GNL3: variants seen among roughly 807,000 people sequenced by gnomAD.
The protein encoded by GNL3 is guanine nucleotide-binding protein-like 3.
GNL3 carries 77 observed loss-of-function variants against 70.6 expected under a neutral mutation model. That is an observed-to-expected ratio of 1.09 (90% CI 0.91 to 1.32). The LOEUF (loss-of-function observed/expected upper bound fraction) is 1.32, where lower values mean the gene tolerates loss of function less well. GNL3 is among the 40% of genes most tolerant of loss of function. The pLI is 0.00. For synonymous variants in GNL3, 252 were observed against 216.1 expected (o/e 1.17, Z -1.46); for missense variants, 634 against 644.0 (o/e 0.98, Z 0.17).
At position 52,688,164 on chromosome 3, in the gene GNL3, A is replaced by C; in HGVS notation, c.380A>C (p.Lys127Thr). The change falls in exon 5 of 15, where the codon AAG (lysine) becomes ACG (threonine). Residue 127 changes from lysine to threonine, a missense_variant. Transcript: ENST00000418458. Reference protein sequence around the residue: ...NKAKSGKQNSKKLYCQELKKV... With the variant: ...NKAKSGKQNSTKLYCQELKKV... ...GCCAAGTCGGGCAAACAGAATTCAA[A>C]GAAGCTGTACTGCCAAGAACTTAAA... 3 of 1,609,374 alleles carry C rather than the reference A, an allele frequency of 1.9e-6. No individual in the cohort carries two copies. Among genetic ancestry groups the C allele is most frequent in the Non-Finnish European group, 1.7e-6 (2 of 1,175,594 alleles).
chr3:52,686,960 A>C, intron 2 of GNL3, 133 bp downstream of exon 2: 1 of 677,080 alleles, frequency 1.5e-6, no homozygotes, highest in Non-Finnish European at 2.6e-6. Flanking sequence ...CCATGGGCAC[A>C]AGCTCTTAGG....
At position 52,689,409 on chromosome 3, in the gene GNL3, A is replaced by G. The variant is rs1476367171; in HGVS notation, c.541+203A>G. 16 of 674,058 alleles carry G rather than the reference A, an allele frequency of 2.4e-5. No individual in the cohort carries two copies. In the East Asian group the frequency reaches 4.2e-4, roughly 18 times the overall value. The allele number at this position is 674,058 out of a possible 1,614,324, so 41.8% of individuals were successfully genotyped here. ...AACTGGTTTCTACTATTCTTTTGCC[A>G]TTCAGTATTTACCATCTTTTAAATA... On this transcript the variant is annotated intron_variant, in intron 6 of 14. Coordinates refer to ENST00000418458, the MANE Select transcript of GNL3 (RefSeq NM_014366.5).
intron 8 of GNL3, 101 bp downstream of exon 8, chr3:52,691,172 TC>T: frequency 9.6e-7 from 1 of 1,041,922 alleles, no homozygotes; most frequent in Non-Finnish European, 1.5e-6. Flanking sequence ...GGAGTTGTTG[TC>T]AAGTAAAAGG....
At chr3:52,691,190 CAA>C in intron 8 of GNL3, 119 bp downstream of exon 8, 1 of 828,390 alleles carries the variant, frequency 1.2e-6, no homozygotes. Context: ...AAGGCTCACT[CAA>C]ATACTAGCTT....
rs778018698 is a variant in GNL3, at chr3:52,690,595, T to C, written c.545T>C (p.Leu182Pro). ...TCTTATTTCTAATTGCTATCAGATC[T>C]GGTACCAAAGGAGAATTTGGAGAGC... ...KLVLILNKSD[L>P]VPKENLESWL... Residue 182 changes from leucine to proline, a missense_variant, in exon 7 of 15, where the codon CTG becomes CCG. By Grantham distance (98) the Leu-to-Pro change is moderately conservative. Coordinates refer to ENST00000418458, the MANE Select transcript of GNL3 (RefSeq NM_014366.5). The C allele has an allele frequency of 2.5e-6, 4 of 1,573,646 alleles. No individual in the cohort carries two copies. The highest frequency in any genetic ancestry group is 3.5e-6 in the Non-Finnish European group (4 of 1,143,118).
At chr3:52,690,422 C>T (rs1413474737) in intron 6 of GNL3, among the ~76,000 whole-genome samples, 170 bp from the exon 7 acceptor site, 1 of 152,112 alleles carries the variant, frequency 6.6e-6, no homozygotes, top group Non-Finnish European at 1.5e-5. Flanking sequence ...ACCACCACGC[C>T]CAGCTAATTT....
At chr3:52,691,693 A>C (rs755156835) in intron 9 of GNL3, 64 bp downstream of exon 9, 1 of 897,118 alleles carries the variant, frequency 1.1e-6, no homozygotes, top group Non-Finnish European at 1.8e-6. Context: ...GGTTATCTCA[A>C]GGAAGGTGAT....
chr3:52,689,216 G>C lies in GNL3; in HGVS notation c.541+10G>C. 1 of 1,611,858 alleles carries C rather than the reference G, an allele frequency of 6.2e-7. No individual in the cohort carries two copies. The highest frequency in any genetic ancestry group is 1.1e-5 in the South Asian group (1 of 91,036). The stretch of plus-strand genomic sequence containing the variant: ...ATATTAAATAAATCAGGTGAGTAAA[G>C]AGGGTACCCTTTGTCTTCTGTGTAC... On this transcript the variant is annotated intron_variant, in intron 6 of 14. Transcript: ENST00000418458.
Position 52,689,202 on chromosome 3 carries a change from A to G in GNL3, c.537A>G (p.Lys179=), listed in dbSNP as rs775592556. ...AAAAGCTGGTACTTATATTAAATAAATCAGGTGAGTAAAGAGGGTACCCTT... is the reference window on the plus strand; with the variant it reads ...AAAAGCTGGTACTTATATTAAATAAGTCAGGTGAGTAAAGAGGGTACCCTT... ...GQKKLVLILN[K]SDLVPKENLE... Residue 179 remains lysine, a synonymous_variant, in exon 6 of 15, where the codon AAA becomes AAG. Coordinates refer to ENST00000418458, the MANE Select transcript of GNL3 (RefSeq NM_014366.5). The G allele has an allele frequency of 2.0e-5, 32 of 1,613,246 alleles. 1 individual carries two copies. In the South Asian group the frequency reaches 3.3e-4, roughly 17 times the overall value.
At chr3:52,687,811 G>C in intron 4 of GNL3, 196 bp downstream of exon 4, 2 of 597,470 alleles carry the variant, frequency 3.3e-6, no homozygotes, top group Non-Finnish European at 6.0e-6. Context: ...TTTTTTAGCA[G>C]ACACGGGCTT....
Position 52,690,640 on chromosome 3 carries a change from A to G in GNL3, c.590A>G (p.Lys197Arg). The G allele has an allele frequency of 6.2e-7, 1 of 1,611,902 alleles. No homozygotes were observed. Among genetic ancestry groups the G allele is most frequent in the Non-Finnish European group, 8.5e-7 (1 of 1,177,980 alleles). Residue 197 changes from lysine (K) to arginine (R), a missense_variant, in exon 7 of 15, where the codon AAA (lysine) becomes AGA (arginine). Physicochemically the swap from Lys to Arg is conservative, Grantham distance 26. Coordinates refer to ENST00000418458, the MANE Select transcript of GNL3 (RefSeq NM_014366.5). ...GAGAGCTGGCTAAATTATTTGAAGA[A>G]AGAATTGCCAACAGTGGTGTTCAGA... The part of the protein sequence containing the change: ...NLESWLNYLK[K>R]ELPTVVFRAS...
rs1286568886 is a variant in GNL3, at chr3:52,693,751, G to C, written c.1444G>C (p.Glu482Gln). 1.9e-6 allele frequency: 3 copies of C among 1,597,856 alleles called. No homozygotes were observed. The East Asian group carries it at 6.7e-5, about 36-fold the overall frequency. ...ELPKRKERKQ[E>Q]EREDDKDSDQ... ...GCCAAAACGGAAAGAAAGGAAGCAG[G>C]AGGAGAGGGAGGATGACAAAGACAG... Residue 482 changes from glutamate to glutamine, a missense_variant, in exon 13 of 15, where the codon GAG becomes CAG. By Grantham distance (29) the Glu-to-Gln change is conservative. Coordinates refer to ENST00000418458, the MANE Select transcript of GNL3 (RefSeq NM_014366.5).
At chr3:52,692,660 G>T in intron 9 of GNL3, 1 of 710,284 alleles carries the variant, frequency 1.4e-6, no homozygotes, top group South Asian at 1.4e-5. Context: ...ATGTGTTTTG[G>T]TTGATGTAAA....
chr3:52,694,262 C>CA lies in GNL3; in HGVS notation c.1638dup (p.Asp547ArgfsTer18), dbSNP rs2097330521. ...GAGGATGATGCTTATGACTTCAGTA[C>CA]AGATTATGTGTAACAGAACAATGGC... On this transcript the variant is annotated frameshift_variant, in exon 15 of 15. Transcript: ENST00000418458. LOFTEE classifies it high-confidence loss of function. 6.5e-7 allele frequency: 1 copy of CA among 1,526,898 alleles called. No homozygotes were observed. The highest frequency in any genetic ancestry group is 9.1e-7 in the Non-Finnish European group (1 of 1,102,900). The allele number at this position is 1,526,898 out of a possible 1,614,324, so 94.6% of individuals were successfully genotyped here.
In GNL3 at chr3:52,694,104, G is replaced by T. The variant is rs1300108063; in HGVS notation, c.1567+1G>T. On this transcript the variant is annotated splice_donor_variant, in intron 14 of 14. Transcript: ENST00000418458. LOFTEE classifies it high-confidence loss of function. Reference sequence around the variant, plus strand: ...GCACTGTCTGAGGAGACTACAGCAGGTGAGGCAGGCAAAAGGGGTTCTAAC... The same window carrying T: ...GCACTGTCTGAGGAGACTACAGCAGTTGAGGCAGGCAAAAGGGGTTCTAAC... The T allele has an allele frequency of 6.2e-7, 1 of 1,611,246 alleles. No individual in the cohort carries two copies. The highest frequency in any genetic ancestry group is 1.1e-5 in the South Asian group (1 of 91,010).
At position 52,693,791 on chromosome 3, in the gene GNL3, T is replaced by C. The variant is rs79807717; in HGVS notation, c.1484T>C (p.Val495Ala). The change falls in exon 13 of 15, where the codon GTT becomes GCT. Residue 495 changes from valine to alanine, a missense_variant. Coordinates refer to ENST00000418458, the MANE Select transcript of GNL3 (RefSeq NM_014366.5). ...EDDKDSDQET[V>A]DEEVDENSSG... Reference sequence around the variant, plus strand: ...GACAAAGACAGTGACCAGGAAACTGTTGATGAAGAAGTTGATGTAAGTGTG... The same window carrying C: ...GACAAAGACAGTGACCAGGAAACTGCTGATGAAGAAGTTGATGTAAGTGTG... The C allele has an allele frequency of 3.3e-4, 529 of 1,613,770 alleles. 1 individual carries two copies. The African/African-American group carries it at 4.8e-3, about 15-fold the overall frequency.
chr3:52,687,603 A>G lies in GNL3; in HGVS notation c.312A>G (p.Glu104=), dbSNP rs1414908728. The G allele has an allele frequency of 6.3e-7, 1 of 1,589,568 alleles. No homozygotes were observed. Among genetic ancestry groups the G allele is most frequent in the East Asian group, 2.2e-5 (1 of 44,780 alleles). ...TNPDIKPSNV[E]PMEKEFGLCK... is the part of the protein sequence containing the mutation. ...CTGATATTAAGCCATCAAATGTGGAACCTATGGAAAAGGTATGATTAGGTC... is the reference window on the plus strand; with the variant it reads ...CTGATATTAAGCCATCAAATGTGGAGCCTATGGAAAAGGTATGATTAGGTC... Residue 104 remains glutamate (E), a synonymous_variant, in exon 4 of 15, where the codon GAA becomes GAG. Coordinates refer to ENST00000418458, the MANE Select transcript of GNL3 (RefSeq NM_014366.5).
rs773422863 is a variant in GNL3 at position 52,693,172 on chromosome 3, G to A, written c.1045-15G>A. The stretch of plus-strand genomic sequence containing the variant: ...CAGATGAAGGACAGCTCCTTTGTTT[G>A]GTTTTTTTTTTAAGGTAGTACTGAA... On this transcript the variant is annotated splice_polypyrimidine_tract_variant and intron_variant, in intron 10 of 14. Coordinates refer to ENST00000418458, the MANE Select transcript of GNL3 (RefSeq NM_014366.5). 6.3e-7 allele frequency: 1 copy of A among 1,591,424 alleles called. No homozygotes were observed. The highest frequency in any genetic ancestry group is 1.4e-5 in the African/African-American group (1 of 73,068).
rs761371320 is a variant in GNL3, at chr3:52,687,378, CAG to C, written c.208_209del (p.Arg70AlafsTer2). 8.1e-6 allele frequency: 13 copies of C among 1,613,352 alleles called. No individual in the cohort carries two copies. The highest frequency in any genetic ancestry group is 2.7e-5 in the African/African-American group (2 of 74,846). On this transcript the variant is annotated frameshift_variant, in exon 3 of 15. Coordinates refer to ENST00000418458, the MANE Select transcript of GNL3 (RefSeq NM_014366.5). LOFTEE classifies it high-confidence loss of function. ...TCTTAGGGAAGCTGAGCTAAGGAAACAGAGGGTAAGTTATGTTAGCCAGAATT... is the reference window on the plus strand; with the variant it reads ...TCTTAGGGAAGCTGAGCTAAGGAAACAGGGTAAGTTATGTTAGCCAGAATT... ...ALLREAELRK[Q>X]RLEELKQQQK... is the part of the protein sequence containing the mutation.
Sources: allele counts gnomAD v4.1 joint callset (sites outside exome capture counted in the v4.1 genomes callset), GRCh38; gene constraint gnomAD v4.1.1; transcripts MANE v1.5; gene names NCBI Gene and HGNC (gene_info 2026-07-23, HGNC 2026-07-21).